KCNIP3: variants seen among roughly 807,000 people sequenced by gnomAD.
The protein encoded by KCNIP3 is calsenilin.
KCNIP3 carries 28 observed loss-of-function variants against 35.0 expected under a neutral mutation model. That is an observed-to-expected ratio of 0.80 (90% CI 0.59 to 1.10). The LOEUF is 1.10. KCNIP3 is among the 50% of genes least tolerant of loss of function. The pLI, the probability that KCNIP3 is intolerant of heterozygous loss-of-function variation, is 0.00. For synonymous variants in KCNIP3, 134 were observed against 133.8 expected (o/e 1.00, Z -0.01); for missense variants, 295 against 338.4 (o/e 0.87, Z 1.01).
intron 2 of KCNIP3, among the ~76,000 whole-genome samples, chr2:95,351,972 G>T (rs371296635): frequency 6.6e-6 from 1 of 152,110 alleles, no homozygotes; most frequent in East Asian, 1.9e-4. Context: ...CAGAGAAGAG[G>T]GTGGGACAGG....
chr2:95,384,200 A>ACACACACC lies in KCNIP3; in HGVS notation c.*157_*158insCCCACACA. On this transcript the variant is annotated 3_prime_UTR_variant, in exon 9 of 9. Coordinates refer to ENST00000295225, the MANE Select transcript of KCNIP3 (RefSeq NM_013434.5). ...CACACACACACACACACACACACAC[A>ACACACACC]CACACAGCCATTCATCTGGGCTGGC... is the stretch of plus-strand genomic sequence containing the variant. 1.5e-6 allele frequency: 1 copy of ACACACACC among 663,324 alleles called. No homozygotes were observed. Among genetic ancestry groups the ACACACACC allele is most frequent in the Non-Finnish European group, 2.7e-6 (1 of 369,488 alleles). 41.1% of individuals were successfully genotyped at this position (663,324 alleles called of 1,614,324 possible). A position where few individuals can be genotyped will look rare whatever the true frequency, so the allele number is the denominator to read the frequency against.
chr2:95,367,919 G>A (rs1300807500), intron 2 of KCNIP3, among the ~76,000 whole-genome samples: 1 of 152,028 alleles, frequency 6.6e-6, no homozygotes, highest in Non-Finnish European at 1.5e-5. Context: ...CTGCCATCAC[G>A]CCTGGCTAAT....
chr2:95,367,498 A>G (rs576178221), intron 2 of KCNIP3, among the ~76,000 whole-genome samples: 3 of 152,314 alleles, frequency 2.0e-5, no homozygotes, highest in South Asian at 4.1e-4. Context: ...CTTTCAATCC[A>G]TGAACATAGT....
In KCNIP3 at chr2:95,347,977, G is replaced by A. The variant is rs558294935; in HGVS notation, c.182-26319G>A. ...CCTGGGAGCTGCCCAGCAGCCCCTC[G>A]GGCATGGGGAAGTGCCCCAAGTTCC... On this transcript the variant is annotated intron_variant, in intron 2 of 8. Transcript: ENST00000295225. 6.6e-5 allele frequency among the ~76,000 whole-genome samples: 10 copies of A among 152,338 alleles called. No homozygotes were observed. The South Asian group carries it at 2.1e-3, about 32-fold the overall frequency.
At position 95,310,262 on chromosome 2, in the gene KCNIP3, G is replaced by A. The variant is rs754602261; in HGVS notation, c.16-93G>A. On this transcript the variant is annotated intron_variant, in intron 1 of 8. Coordinates refer to ENST00000295225, the MANE Select transcript of KCNIP3 (RefSeq NM_013434.5). Reference sequence around the variant, plus strand: ...GTGAGCCCTCTGTTGTGTTCAGGCTGGCCTCATCTAGGATATCAGGGCAGC... The same window carrying A: ...GTGAGCCCTCTGTTGTGTTCAGGCTAGCCTCATCTAGGATATCAGGGCAGC... 5 of 1,439,678 alleles carry A rather than the reference G, an allele frequency of 3.5e-6. 1 individual carries two copies. The highest frequency in any genetic ancestry group is 3.5e-4 in the Middle Eastern group (2 of 5,714). 89.2% of individuals were successfully genotyped at this position (1,439,678 alleles called of 1,614,324 possible).
chr2:95,353,815 C>T (rs893131555), intron 2 of KCNIP3, among the ~76,000 whole-genome samples: 3 of 152,152 alleles, frequency 2.0e-5, no homozygotes, highest in Non-Finnish European at 2.9e-5. Flanking sequence ...CTCAGATTTC[C>T]ACACGGCTCT....
chr2:95,334,350 A>G (rs541889162), intron 2 of KCNIP3, among the ~76,000 whole-genome samples: 1 of 152,010 alleles, frequency 6.6e-6, no homozygotes, highest in African/African-American at 2.4e-5. Context: ...GGTTCTCATG[A>G]CAATATGCAG....
intron 1 of KCNIP3, among the ~76,000 whole-genome samples, chr2:95,304,832 G>A (rs1286621220): frequency 6.6e-6 from 1 of 152,194 alleles, no homozygotes; most frequent in Non-Finnish European, 1.5e-5. Context: ...AGGCCAGGAG[G>A]ACTTAGAAGG....
chr2:95,308,402 G>T (rs950976092), intron 1 of KCNIP3, among the ~76,000 whole-genome samples: 2 of 152,206 alleles, frequency 1.3e-5, no homozygotes, highest in Non-Finnish European at 2.9e-5. Flanking sequence ...GCTGGGGAAG[G>T]CCCAAAAGCC....
At chr2:95,324,853 A>G (rs1383725632) in intron 2 of KCNIP3, among the ~76,000 whole-genome samples, 1 of 152,096 alleles carries the variant, frequency 6.6e-6, no homozygotes, top group East Asian at 1.9e-4. Flanking sequence ...TGAGGTTGCA[A>G]TGAGCTGAGA....
chr2:95,298,853 C>T (rs1482260742), intron 1 of KCNIP3: 5 of 152,388 alleles, frequency 3.3e-5, no homozygotes, highest in East Asian at 3.9e-4. Context: ...CACACTACGG[C>T]GTCAGGGTGC....
chr2:95,321,630 C>T (rs1421212767), intron 2 of KCNIP3, among the ~76,000 whole-genome samples: 7 of 152,176 alleles, frequency 4.6e-5, no homozygotes, highest in East Asian at 3.9e-4. Flanking sequence ...AGGGGACTAA[C>T]GAACGACAGA....
chr2:95,354,006 C>A (rs115717237), intron 2 of KCNIP3, among the ~76,000 whole-genome samples: 1 of 152,162 alleles, frequency 6.6e-6, no homozygotes, highest in Non-Finnish European at 1.5e-5. Flanking sequence ...GTCAGTGGCA[C>A]GGAAGTGGAG....
rs1282244676 is a variant in KCNIP3, at chr2:95,381,701, G to A, written c.553G>A (p.Glu185Lys). 1.2e-6 allele frequency: 2 copies of A among 1,606,998 alleles called. No individual in the cohort carries two copies. The highest frequency in any genetic ancestry group is 3.3e-5 in the Admixed American group (2 of 60,000). The stretch of plus-strand genomic sequence containing the variant: ...TAACAAGGATGGCTACATCACCAAA[G>A]AGGTAGTAGGGGGCTGGGGGCAGGG... The part of the protein sequence containing the change: ...DINKDGYITK[E>K]EMLAIMKSIY... The change falls in exon 6 of 9, where the codon GAG becomes AAG. Residue 185 changes from glutamate (E) to lysine (K), a missense_variant and splice_region_variant. Physicochemically the swap from Glu to Lys is moderately conservative, Grantham distance 56. Transcript: ENST00000295225.
intron 1 of KCNIP3, among the ~76,000 whole-genome samples, chr2:95,308,724 C>T (rs1330376203): frequency 6.6e-6 from 1 of 152,288 alleles, no homozygotes; most frequent in East Asian, 1.9e-4. Context: ...AGGACTGGCT[C>T]TCTGTGCTTC....
intron 2 of KCNIP3, among the ~76,000 whole-genome samples, chr2:95,337,989 A>C (rs1679101255): frequency 6.6e-6 from 1 of 152,228 alleles, no homozygotes; most frequent in Non-Finnish European, 1.5e-5. Context: ...GCAGGAGAAC[A>C]AACAGTGAAT....
At chr2:95,345,626 G>A (rs538003578) in intron 2 of KCNIP3, among the ~76,000 whole-genome samples, 1 of 152,268 alleles carries the variant, frequency 6.6e-6, no homozygotes, top group Non-Finnish European at 1.5e-5. Flanking sequence ...AACACAGCGG[G>A]AAGGATGAGG....
At chr2:95,310,620 C>A in intron 2 of KCNIP3, 100 bp downstream of exon 2, 2 of 1,335,752 alleles carry the variant, frequency 1.5e-6, no homozygotes, top group Non-Finnish European at 2.1e-6. Context: ...GGACCCCAGC[C>A]TGGGCTACAT....
In KCNIP3 at chr2:95,384,206, A is replaced by ACACG; in HGVS notation, c.*157_*158insCACG. ...CACACACACACACACACACACACAC[A>ACACG]GCCATTCATCTGGGCTGGCAGAGGG... On this transcript the variant is annotated 3_prime_UTR_variant, in exon 9 of 9. Transcript: ENST00000295225. The ACACG allele has an allele frequency of 1.5e-6, 1 of 648,294 alleles. No individual in the cohort carries two copies. The highest frequency in any genetic ancestry group is 2.8e-6 in the Non-Finnish European group (1 of 362,620). 40.2% of individuals were successfully genotyped at this position (648,294 alleles called of 1,614,324 possible).
Sources: gnomAD v4.1 joint callset for allele counts (sites outside exome capture counted in the v4.1 genomes callset) on GRCh38, gnomAD v4.1.1 for gene constraint, MANE v1.5 for transcripts, NCBI Gene and HGNC (gene_info 2026-07-23, HGNC 2026-07-21) for gene names.